GARRE1: variants seen among roughly 807,000 people sequenced by gnomAD.
GARRE1 encodes the protein granule associated Rac and RHOG effector 1.
GARRE1 carries 49 observed loss-of-function variants against 103.2 expected under a neutral mutation model. That is an observed-to-expected ratio of 0.47 (90% confidence interval 0.38 to 0.60). The LOEUF is 0.60. Ranked by LOEUF, GARRE1 falls within the 20% of genes least tolerant of loss-of-function variation. GARRE1 has a pLI of 0.00. For synonymous variants in GARRE1, 505 were observed against 532.8 expected (o/e 0.95, Z 0.72); for missense variants, 1,199 against 1,370.5 (o/e 0.87, Z 1.98).
chr19:34,297,306 A>G (rs56276134), intron 1 of GARRE1, among the ~76,000 whole-genome samples: 66,878 of 152,036 alleles, frequency 0.44, 17,856 homozygotes, highest in Non-Finnish European at 0.6. Flanking sequence ...AAATATTTTG[A>G]TAAAAATTGT....
chr19:34,329,369 G>A (rs1033946210), intron 6 of GARRE1, among the ~76,000 whole-genome samples: 7 of 152,142 alleles, frequency 4.6e-5, no homozygotes, highest in African/African-American at 1.7e-4. Flanking sequence ...TCCTCAACCA[G>A]TTCACATCAG....
chr19:34,282,907 A>G (rs1430634174), intron 1 of GARRE1, among the ~76,000 whole-genome samples: 3 of 152,196 alleles, frequency 2.0e-5, no homozygotes, highest in Non-Finnish European at 4.4e-5. Flanking sequence ...CTTGTAATAT[A>G]GTTTCCTCTG....
At chr19:34,296,120 CA>C (rs2073945406) in intron 1 of GARRE1, among the ~76,000 whole-genome samples, 2 of 149,832 alleles carry the variant, frequency 1.3e-5, no homozygotes, top group Admixed American at 1.3e-4. Flanking sequence ...TTTTTTCTTT[CA>C]GTATTTGTTT....
Position 34,300,882 on chromosome 19 carries a change from C to G in GARRE1, c.409C>G (p.Pro137Ala). The G allele has an allele frequency of 1.9e-6, 3 of 1,612,092 alleles. No homozygotes were observed. Among genetic ancestry groups the G allele is most frequent in the Non-Finnish European group, 2.5e-6 (3 of 1,180,034 alleles). ...CAGTCGGCTGACCTCGGCCATAAAG[C>G]CTGAGATCGCCAAGATGCTAATGGA... ...AASRLTSAIK[P>A]EIAKMLMELS... The change falls in exon 2 of 14, where the codon CCT (proline) becomes GCT (alanine). Residue 137 changes from proline (P) to alanine (A), a missense_variant. Transcript: ENST00000299505.
At chr19:34,341,025 TC>T (rs994846289) in intron 9 of GARRE1, among the ~76,000 whole-genome samples, 1 of 152,076 alleles carries the variant, frequency 6.6e-6, no homozygotes, top group Non-Finnish European at 1.5e-5. Flanking sequence ...TATCCCTGCA[TC>T]CCCCCACCAC....
At chr19:34,319,766 A>G in intron 2 of GARRE1, 141 bp from the exon 3 acceptor site, 1 of 716,488 alleles carries the variant, frequency 1.4e-6, no homozygotes, top group Non-Finnish European at 2.4e-6. Flanking sequence ...ATCCTTCTGA[A>G]GCATGGTGGC....
chr19:34,348,837 A>C, intron 11 of GARRE1, 179 bp from the exon 12 acceptor site: 1 of 666,526 alleles, frequency 1.5e-6, no homozygotes, highest in Non-Finnish European at 2.6e-6. Context: ...GAATTGATGA[A>C]TATGTATTAC....
In GARRE1 at chr19:34,342,334, TG is replaced by T; in HGVS notation, c.2401del (p.Val801Ter). 1 of 1,614,118 alleles carries T rather than the reference TG, an allele frequency of 6.2e-7. No individual in the cohort carries two copies. The highest frequency in any genetic ancestry group is 8.5e-7 in the Non-Finnish European group (1 of 1,180,028). ...LGLVSSYMDNVMSEVLGQKPQ... is the reference protein window; with the variant it reads ...LGLVSSYMDNXMSEVLGQKPQ... ...GTCTGGTGAGCAGCTATATGGATAA[TG>T]TGATGTCAGAGGTTCTGGGACAGAA... On this transcript the variant is annotated frameshift_variant, in exon 10 of 14. Transcript: ENST00000299505. LOFTEE classifies it high-confidence loss of function.
At chr19:34,289,988 A>C (rs1395851363) in intron 1 of GARRE1, among the ~76,000 whole-genome samples, 1 of 152,190 alleles carries the variant, frequency 6.6e-6, no homozygotes, top group Non-Finnish European at 1.5e-5. Context: ...GCAGCACTCA[A>C]ATGCAGATGT....
At chr19:34,262,638 C>T (rs2073726222) in intron 1 of GARRE1, among the ~76,000 whole-genome samples, 1 of 152,062 alleles carries the variant, frequency 6.6e-6, no homozygotes, top group Non-Finnish European at 1.5e-5. Flanking sequence ...CAAGATAACT[C>T]CCAGTGTCTT....
intron 1 of GARRE1, among the ~76,000 whole-genome samples, chr19:34,272,899 A>T (rs2073796145): frequency 6.6e-6 from 1 of 152,194 alleles, no homozygotes. Flanking sequence ...GGTCATTGTG[A>T]TAACCTTGTA....
intron 2 of GARRE1, among the ~76,000 whole-genome samples, chr19:34,309,078 A>T (rs553179255): frequency 0.026 from 1,612 of 61,830 alleles, 28 homozygotes; most frequent in African/African-American, 0.046. Context: ...CTCCCTCTTT[A>T]AAAAAAAAAA....
At chr19:34,331,446 A>T (rs2074137529) in intron 7 of GARRE1, among the ~76,000 whole-genome samples, 1 of 152,108 alleles carries the variant, frequency 6.6e-6, no homozygotes, top group African/African-American at 2.4e-5. Flanking sequence ...TCCCTTGACC[A>T]CAGTGGTATA....
chr19:34,323,267 G>A (rs755817803), intron 3 of GARRE1, among the ~76,000 whole-genome samples: 7 of 152,002 alleles, frequency 4.6e-5, no homozygotes, highest in Middle Eastern at 3.4e-3. Flanking sequence ...TCCTGACCCC[G>A]TGGTCTGCCC....
intron 1 of GARRE1, among the ~76,000 whole-genome samples, chr19:34,255,967 G>A (rs959831264): frequency 7.3e-5 from 11 of 151,498 alleles, no homozygotes; most frequent in African/African-American, 2.4e-4. Flanking sequence ...TTAGTCTCCC[G>A]AGTAGCTGAG....
chr19:34,308,837 T>G (rs539774454), intron 2 of GARRE1, among the ~76,000 whole-genome samples: 21 of 152,290 alleles, frequency 1.4e-4, no homozygotes, highest in African/African-American at 4.8e-4. Flanking sequence ...GAGAAAAATC[T>G]CCACTTTGCA....
At chr19:34,269,360 G>C (rs948595582) in intron 1 of GARRE1, among the ~76,000 whole-genome samples, 1 of 152,156 alleles carries the variant, frequency 6.6e-6, no homozygotes, top group Non-Finnish European at 1.5e-5. Flanking sequence ...ACCCGTGTTG[G>C]GGGTGGGGAT....
At chr19:34,275,192 G>T (rs1441059711) in intron 1 of GARRE1, among the ~76,000 whole-genome samples, 1 of 150,560 alleles carries the variant, frequency 6.6e-6, no homozygotes, top group Non-Finnish European at 1.5e-5. Context: ...CCTCAGAAGA[G>T]GGAATTGTTT....
At chr19:34,256,714 A>G (rs995216581) in intron 1 of GARRE1, among the ~76,000 whole-genome samples, 1 of 152,130 alleles carries the variant, frequency 6.6e-6, no homozygotes, top group Admixed American at 6.5e-5. Flanking sequence ...TTCTAAGTGT[A>G]TGTTTGTAAG....
Sources: allele counts gnomAD v4.1 joint callset (sites outside exome capture counted in the v4.1 genomes callset), GRCh38; gene constraint gnomAD v4.1.1; transcripts MANE v1.5; gene names NCBI Gene and HGNC (gene_info 2026-07-23, HGNC 2026-07-21).